The following ZNF607 variants were observed in gnomAD, a reference collection of about 807,000 sequenced individuals.
ZNF607 encodes zinc finger protein 607.
A neutral mutation model predicts 12.8 loss-of-function variants in ZNF607; 5 were observed. The observed-to-expected ratio is 0.39, with a 90% CI of 0.20 to 0.82. The LOEUF (loss-of-function observed/expected upper bound fraction) is 0.82, where lower values mean the gene tolerates loss of function less well. ZNF607 is among the 40% of genes least tolerant of loss of function. The pLI is 0.39. For synonymous variants in ZNF607, 287 were observed against 276.2 expected, an observed-to-expected ratio of 1.04 and a Z score of -0.39; for missense variants, 851 against 859.2, an observed-to-expected ratio of 0.99 and a Z score of 0.12.
intron 4 of ZNF607, chr19:37,706,679 C>CT: frequency 8.5e-5 from 1 of 11,734 alleles, no homozygotes; most frequent in Non-Finnish European, 4.5e-4. Flanking sequence ...CGCGTTGTAA[C>CT]TTGACAAGAA....
intron 2 of ZNF607, among the ~76,000 whole-genome samples, chr19:37,710,880 G>C (rs2045127524): frequency 6.6e-6 from 1 of 152,078 alleles, no homozygotes; most frequent in Non-Finnish European, 1.5e-5. Context: ...TAGAAAACTA[G>C]GTTTCCTGTG....
chr19:37,707,022 C>T (rs2909092), intron 4 of ZNF607, among the ~76,000 whole-genome samples: 3,577 of 152,218 alleles, frequency 0.023, 128 homozygotes, highest in African/African-American at 0.074. Context: ...GATGGGGTTT[C>T]GCCATGTTGG....
rs912223568 is a variant in ZNF607, at chr19:37,699,799, T to C, written c.332A>G (p.Gln111Arg). Residue 111 changes from glutamine to arginine, a missense_variant, in exon 5 of 5, where the codon CAG (glutamine) becomes CGG (arginine). Coordinates refer to ENST00000355202, the MANE Select transcript of ZNF607 (RefSeq NM_032689.5). ...ACATTGCTTACACTCATATGGTTTC[T>C]GTCCATTATGAATTCTCTGATGGAG... ...VTLHQRIHNGQKPYECKQCQK... is the reference protein window; with the variant it reads ...VTLHQRIHNGRKPYECKQCQK... 3.7e-6 allele frequency: 6 copies of C among 1,614,116 alleles called. No homozygotes were observed. Among genetic ancestry groups the C allele is most frequent in the Middle Eastern group, 1.7e-4 (1 of 6,056 alleles).
intron 1 of ZNF607, among the ~76,000 whole-genome samples, chr19:37,717,454 G>A (rs112936061): frequency 0.15 from 23,191 of 151,732 alleles, 2,121 homozygotes; most frequent in Non-Finnish European, 0.21. Context: ...CAAAGTGCTG[G>A]GATTACAGGC....
intron 1 of ZNF607, among the ~76,000 whole-genome samples, chr19:37,714,901 TTTTC>T (rs141187230): frequency 6.6e-5 from 10 of 151,370 alleles, no homozygotes; most frequent in South Asian, 2.1e-4. Context: ...TGCTTCCTGT[TTTTC>T]TTTCTTTCTT....
At chr19:37,718,049 T>C (rs2045193421) in intron 1 of ZNF607, among the ~76,000 whole-genome samples, 1 of 152,140 alleles carries the variant, frequency 6.6e-6, no homozygotes, top group Admixed American at 6.5e-5. Flanking sequence ...CATTCAAAGG[T>C]ATAAAACTCT....
At position 37,699,447 on chromosome 19, in the gene ZNF607, C is replaced by T. The variant is rs1243271592; in HGVS notation, c.684G>A (p.Lys228=). 6.2e-7 allele frequency: 1 copy of T among 1,614,044 alleles called. No homozygotes were observed. Among genetic ancestry groups the T allele is most frequent in the South Asian group, 1.1e-5 (1 of 91,078 alleles). ...ACACACTAAAGGCCTTGCCACATTC[C>T]TTACATTCGTAGGGTTTCTCACCAT... The part of the protein sequence containing the change: ...FHYGEKPYEC[K]ECGKAFSVYG... Residue 228 remains lysine (K), a synonymous_variant, in exon 5 of 5, where the codon AAG becomes AAA. Transcript: ENST00000355202.
intron 1 of ZNF607, among the ~76,000 whole-genome samples, chr19:37,713,437 A>ATTT (rs60121706): frequency 1.4e-5 from 2 of 140,762 alleles, no homozygotes; most frequent in Admixed American, 7.2e-5. Flanking sequence ...TAAAAGTCTG[A>ATTT]TTTTTTTTTT....
At position 37,697,005 on chromosome 19, in the gene ZNF607, C is replaced by T. The variant is rs540858812; in HGVS notation, c.*1035G>A. 6.2e-5 allele frequency: 44 copies of T among 715,442 alleles called. No individual in the cohort carries two copies. Among genetic ancestry groups the T allele is most frequent in the East Asian group, 2.7e-4 (10 of 37,204 alleles). 44.3% of individuals were successfully genotyped at this position (715,442 alleles called of 1,614,324 possible). ...GGTGATTAGTTCTCCAGCATCAAAG[C>T]GAGCCACCAGTGACTTGAGGATCTC... On this transcript the variant is annotated 3_prime_UTR_variant, in exon 5 of 5. Transcript: ENST00000355202.
Position 37,698,164 on chromosome 19 carries a change from C to G in ZNF607, c.1967G>C (p.Ser656Thr). 6.2e-7 allele frequency: 1 copy of G among 1,613,942 alleles called. No homozygotes were observed. The highest frequency in any genetic ancestry group is 8.5e-7 in the Non-Finnish European group (1 of 1,179,972). The change falls in exon 5 of 5, where the codon AGT (serine) becomes ACT (threonine). Residue 656 changes from serine (S) to threonine (T), a missense_variant. Coordinates refer to ENST00000355202, the MANE Select transcript of ZNF607 (RefSeq NM_032689.5). ...ATGATGTATACTAAGTTCATGGCTA[C>G]TATTAAAAGCTTTCCCACACTCTTC... ...MCEECGKAFNSSHELSIHHRV... is the reference protein window; with the variant it reads ...MCEECGKAFNTSHELSIHHRV...
At chr19:37,703,007 C>T (rs184083093) in intron 4 of ZNF607, among the ~76,000 whole-genome samples, 1 of 151,018 alleles carries the variant, frequency 6.6e-6, no homozygotes, top group Admixed American at 6.6e-5. Context: ...GGTTGGAGTG[C>T]AATGGTGTGA....
At position 37,698,613 on chromosome 19, in the gene ZNF607, T is replaced by G. The variant is rs1306076044; in HGVS notation, c.1518A>C (p.Glu506Asp). ...RRVHTGEKPY[E>D]CKECGKAFSV... is the part of the protein sequence containing the mutation. ...TAAAGGCCTTCCCACATTCCTTACATTCATAAGGTTTCTCACCAGTATGAA... is the reference window on the plus strand; with the variant it reads ...TAAAGGCCTTCCCACATTCCTTACAGTCATAAGGTTTCTCACCAGTATGAA... The change falls in exon 5 of 5, where the codon GAA becomes GAC. Residue 506 changes from glutamate (E) to aspartate (D), a missense_variant. Physicochemically the swap from Glu to Asp is conservative, Grantham distance 45 (BLOSUM62 2). Transcript: ENST00000355202. 2.5e-6 allele frequency: 4 copies of G among 1,614,046 alleles called. No homozygotes were observed. The highest frequency in any genetic ancestry group is 3.4e-6 in the Non-Finnish European group (4 of 1,179,990).
chr19:37,712,886 G>A (rs1008004681), intron 1 of ZNF607, among the ~76,000 whole-genome samples: 3 of 151,878 alleles, frequency 2.0e-5, no homozygotes, highest in African/African-American at 2.4e-5. Context: ...CTTCATCACC[G>A]GTTCTCAGAT....
At chr19:37,712,531 A>T (rs2045141724) in intron 1 of ZNF607, among the ~76,000 whole-genome samples, 2 of 152,192 alleles carry the variant, frequency 1.3e-5, no homozygotes. Flanking sequence ...AAAAGTGCTT[A>T]TAGTCATAGT....
intron 4 of ZNF607, among the ~76,000 whole-genome samples, chr19:37,702,287 C>CAAAA (rs10714690): frequency 5.8e-3 from 423 of 73,034 alleles, no homozygotes; most frequent in East Asian, 0.01. Flanking sequence ...AACTCCATCT[C>CAAAA]AAAAAAAAAA....
intron 4 of ZNF607, among the ~76,000 whole-genome samples, chr19:37,702,876 A>G (rs1013696121): frequency 6.6e-6 from 1 of 152,224 alleles, no homozygotes; most frequent in East Asian, 1.9e-4. Flanking sequence ...TATAATACCT[A>G]TAACACTACC....
chr19:37,704,004 A>G (rs56317671), intron 4 of ZNF607, among the ~76,000 whole-genome samples: 107,588 of 151,856 alleles, frequency 0.71, 39,490 homozygotes, highest in Non-Finnish European at 0.82. Context: ...GTGTGGTGGT[A>G]TGCATCTGTA....
At chr19:37,716,330 T>C (rs372001159) in intron 1 of ZNF607, among the ~76,000 whole-genome samples, 1 of 152,202 alleles carries the variant, frequency 6.6e-6, no homozygotes, top group African/African-American at 2.4e-5. Context: ...ATTTCCTTAT[T>C]ATGCTGACTC....
intron 4 of ZNF607, 34 bp downstream of exon 4, chr19:37,707,880 C>T (rs1170781827): frequency 1.3e-6 from 2 of 1,555,878 alleles, no homozygotes; most frequent in East Asian, 2.3e-5. Context: ...TATTTGCATA[C>T]AAAAATGGCT....
Sources: gnomAD v4.1 joint callset for allele counts (sites outside exome capture counted in the v4.1 genomes callset) on GRCh38, gnomAD v4.1.1 for gene constraint, MANE v1.5 for transcripts, NCBI Gene and HGNC (gene_info 2026-07-23, HGNC 2026-07-21) for gene names.